The following NTHL1 variants were observed in gnomAD, a reference collection of about 807,000 sequenced individuals.
The protein encoded by NTHL1 is endonuclease III-like protein 1.
Under a neutral mutation model 32.3 loss-of-function variants are expected in NTHL1, and 32 were observed. The ratio of observed to expected loss-of-function variants is 0.99; its 90% confidence interval spans 0.75 to 1.33. The LOEUF (loss-of-function observed/expected upper bound fraction) is 1.33. Ranked by LOEUF, NTHL1 falls within the 40% of genes most tolerant of loss-of-function variation. NTHL1 has a pLI of 0.00. For synonymous variants in NTHL1, 188 were observed against 176.9 expected, an observed-to-expected ratio of 1.06 and a Z score of -0.50; for missense variants, 501 against 414.1, an observed-to-expected ratio of 1.21 and a Z score of -1.82.
intron 1 of NTHL1, among the ~76,000 whole-genome samples, chr16:2,046,774 C>A (rs954011026): frequency 6.6e-6 from 1 of 152,164 alleles, no homozygotes; most frequent in Non-Finnish European, 1.5e-5. Context: ...GAGTTCAAGA[C>A]CAGCCTGGCC....
At chr16:2,047,572 G>C (rs2084499841) in intron 1 of NTHL1, 137 bp downstream of exon 1, 1 of 1,348,616 alleles carries the variant, frequency 7.4e-7, no homozygotes, top group Middle Eastern at 2.7e-4. Flanking sequence ...ACGCAGGGCC[G>C]CACGTGGGAA....
intron 1 of NTHL1, 123 bp downstream of exon 1, chr16:2,047,586 T>C (rs989962175): frequency 1.5e-5 from 21 of 1,410,618 alleles, no homozygotes; most frequent in Admixed American, 7.8e-5. Flanking sequence ...GTGGGAACCG[T>C]TCGCGGCTGC....
rs1261566164 is a variant in NTHL1, at chr16:2,043,004, G to A, written c.685+563C>T. ...CTCCCTCCCCACCCCACCTGCTGAG[G>A]GGATACTCTTCCTCCTCCCTCCTCA... is the stretch of plus-strand genomic sequence containing the variant. On this transcript the variant is annotated intron_variant, in intron 4 of 5. Coordinates refer to ENST00000651570, the MANE Select transcript of NTHL1 (RefSeq NM_002528.7). This position sits in a 1 kb window ranked among gnomAD's most constrained non-coding sequence, Gnocchi z 4.4. 1.5e-5 allele frequency among the ~76,000 whole-genome samples: 2 copies of A among 129,216 alleles called. No individual in the cohort carries two copies. The highest frequency in any genetic ancestry group is 4.5e-4 in the East Asian group (2 of 4,462). The allele number at this position is 129,216 out of a possible 152,430, so 84.8% of individuals were successfully genotyped here. A position where few individuals can be genotyped will look rare whatever the true frequency, so the allele number is the denominator to read the frequency against.
In NTHL1 at chr16:2,040,058, G is replaced by T. The variant is rs1297891665; in HGVS notation, c.792-11C>A. On this transcript the variant is annotated splice_polypyrimidine_tract_variant and intron_variant, in intron 5 of 5. Transcript: ENST00000651570. ...TCGTGCCACAGCTCCCTGTGGGGGT[G>T]GGGGCTGGGTCAGTGCTGACAGAGG... is the stretch of plus-strand genomic sequence containing the variant. 1 of 1,612,492 alleles carries T rather than the reference G, an allele frequency of 6.2e-7. No individual in the cohort carries two copies. Among genetic ancestry groups the T allele is most frequent in the Non-Finnish European group, 8.5e-7 (1 of 1,180,002 alleles).
rs774089181 is a variant in NTHL1 at position 2,043,778 on chromosome 16, G to C, written c.526-52C>G. On this transcript the variant is annotated intron_variant, in intron 3 of 5. Transcript: ENST00000651570. This position sits in a 1 kb window ranked among gnomAD's most constrained non-coding sequence, Gnocchi z 4.4. ...TGGAGGCAAGGGCACAGCCCAACCT[G>C]GGAGGATGCAGCCCCCAGGAGACCC... 2 of 1,603,434 alleles carry C rather than the reference G, an allele frequency of 1.2e-6. No individual in the cohort carries two copies. The highest frequency in any genetic ancestry group is 2.2e-5 in the East Asian group (1 of 44,818).
At chr16:2,041,819 T>C (rs2084271765) in intron 4 of NTHL1, among the ~76,000 whole-genome samples, 1 of 152,090 alleles carries the variant, frequency 6.6e-6, no homozygotes, top group Non-Finnish European at 1.5e-5. Context: ...CATCTTAGCC[T>C]GGATGGTCTT....
Position 2,044,969 on chromosome 16 carries a change from C to T in NTHL1, c.355-169G>A. On this transcript the variant is annotated intron_variant, in intron 2 of 5. Transcript: ENST00000651570. The surrounding 1 kb of genome is among the most constrained non-coding windows in gnomAD (Gnocchi z 5.0). ...GTCTGGTTTGGGTATGTTTGGTCAT[C>T]TACAACACCAGGACAATAATAGTAC... 1 of 651,524 alleles carries T rather than the reference C, an allele frequency of 1.5e-6. No individual in the cohort carries two copies. The highest frequency in any genetic ancestry group is 2.6e-6 in the Non-Finnish European group (1 of 384,360). 40.4% of individuals were successfully genotyped at this position (651,524 alleles called of 1,614,324 possible).
chr16:2,045,283 G>A (rs2084329511), intron 2 of NTHL1, among the ~76,000 whole-genome samples: 1 of 151,934 alleles, frequency 6.6e-6, no homozygotes, highest in Non-Finnish European at 1.5e-5. Flanking sequence ...GTTGCAGTGA[G>A]CTAAGATTTC....
chr16:2,040,609 C>T (rs2084253660), intron 4 of NTHL1: 2 of 385,740 alleles, frequency 5.2e-6, no homozygotes, highest in Admixed American at 3.7e-5. Flanking sequence ...ACAATAACAG[C>T]GACAGCTCGC....
Position 2,047,789 on chromosome 16 carries a change from C to A in NTHL1, c.35G>T (p.Ser12Ile). The change falls in exon 1 of 6, where the codon AGC (serine) becomes ATC (isoleucine). Residue 12 changes from serine (S) to isoleucine (I), a missense_variant. Coordinates refer to ENST00000651570, the MANE Select transcript of NTHL1 (RefSeq NM_002528.7). ...CCCAGCCCCGGGTCCCAGGCTCCGG[C>A]TCCGGGTCAGCATCCTCGCGCTCAA... ...TALSARMLTR[S>I]RSLGPGAGPR... 1.9e-6 allele frequency: 3 copies of A among 1,590,576 alleles called. No homozygotes were observed. The highest frequency in any genetic ancestry group is 1.7e-6 in the Non-Finnish European group (2 of 1,173,646).
chr16:2,041,897 C>T, intron 4 of NTHL1: 1 of 377,608 alleles, frequency 2.6e-6, no homozygotes, highest in South Asian at 2.0e-5. Flanking sequence ...CGTGAGCCAC[C>T]ACGCCTGGCC....
At chr16:2,041,096 T>G (rs952786679) in intron 4 of NTHL1, among the ~76,000 whole-genome samples, 1 of 152,180 alleles carries the variant, frequency 6.6e-6, no homozygotes, top group African/African-American at 2.4e-5. Context: ...CAGCCCTGCC[T>G]CCTCCTCCCG....
intron 4 of NTHL1, chr16:2,042,040 C>T (rs1374488391): frequency 2.2e-6 from 1 of 455,908 alleles, no homozygotes; most frequent in Non-Finnish European, 4.4e-6. Context: ...GGCTTGAGCC[C>T]TTGTACCCAG....
In NTHL1 at chr16:2,047,766, C is replaced by G. The variant is rs529997128; in HGVS notation, c.58G>C (p.Gly20Arg). Residue 20 changes from glycine to arginine, a missense_variant, in exon 1 of 6, where the codon GGG becomes CGG. Gly to Arg is a moderately radical substitution (Grantham distance 125). Coordinates refer to ENST00000651570, the MANE Select transcript of NTHL1 (RefSeq NM_002528.7). ...TRSRSLGPGA[G>R]PRGCREEPGP... ...GGCTCCTCCCTACACCCCCGCGGCC[C>G]AGCCCCGGGTCCCAGGCTCCGGCTC... is the stretch of plus-strand genomic sequence containing the variant. 1.3e-6 allele frequency: 2 copies of G among 1,587,562 alleles called. No homozygotes were observed. Among genetic ancestry groups the G allele is most frequent in the South Asian group, 2.3e-5 (2 of 88,458 alleles).
Position 2,043,681 on chromosome 16 carries a change from G to T in NTHL1, c.571C>A (p.His191Asn). Reference protein sequence around the residue: ...IKQTSAILQQHYGGDIPASVA... With the variant: ...IKQTSAILQQNYGGDIPASVA... ...GAGGCTGGGATGTCCCCACCGTAGT[G>T]CTGCTGCAGGATGGCGCTGGTCTGC... Residue 191 changes from histidine (H) to asparagine (N), a missense_variant, in exon 4 of 6, where the codon CAC becomes AAC. His to Asn is a moderately conservative substitution (Grantham distance 68, BLOSUM62 1). Coordinates refer to ENST00000651570, the MANE Select transcript of NTHL1 (RefSeq NM_002528.7). The surrounding 1 kb of genome is among the most constrained non-coding windows in gnomAD (Gnocchi z 4.4). The T allele has an allele frequency of 6.2e-7, 1 of 1,612,166 alleles. No homozygotes were observed. Among genetic ancestry groups the T allele is most frequent in the East Asian group, 2.2e-5 (1 of 44,888 alleles).
In NTHL1 at chr16:2,043,437, G is replaced by A; in HGVS notation, c.685+130C>T. On this transcript the variant is annotated intron_variant, in intron 4 of 5. Coordinates refer to ENST00000651570, the MANE Select transcript of NTHL1 (RefSeq NM_002528.7). This position sits in a 1 kb window ranked among gnomAD's most constrained non-coding sequence, Gnocchi z 4.4. ...TGGGGCTGGCCTGGCTCCACCCTGGGAGCACCTTTCTGACTCTATGGGCTG... is the reference window on the plus strand; with the variant it reads ...TGGGGCTGGCCTGGCTCCACCCTGGAAGCACCTTTCTGACTCTATGGGCTG... The A allele has an allele frequency of 7.5e-7, 1 of 1,329,258 alleles. No homozygotes were observed. Among genetic ancestry groups the A allele is most frequent in the South Asian group, 1.3e-5 (1 of 75,274 alleles). The allele number at this position is 1,329,258 out of a possible 1,614,324, so 82.3% of individuals were successfully genotyped here. A position where few individuals can be genotyped will look rare whatever the true frequency, so the allele number is the denominator to read the frequency against.
chr16:2,041,008 C>T (rs3211987), intron 4 of NTHL1, among the ~76,000 whole-genome samples: 152 of 152,344 alleles, frequency 1.0e-3, no homozygotes, highest in Admixed American at 4.6e-3. Flanking sequence ...GGCTCCTGCT[C>T]CCCTCAGCTG....
intron 4 of NTHL1, among the ~76,000 whole-genome samples, chr16:2,040,702 G>C (rs898312934): frequency 1.3e-5 from 2 of 152,174 alleles, no homozygotes; most frequent in Non-Finnish European, 2.9e-5. Context: ...TACGGATGCT[G>C]AAACCGAGGC....
At position 2,044,658 on chromosome 16, in the gene NTHL1, T is replaced by G. The variant is rs773170479; in HGVS notation, c.497A>C (p.Lys166Thr). The change falls in exon 3 of 6, where the codon AAG becomes ACG. Residue 166 changes from lysine to threonine, a missense_variant. Coordinates refer to ENST00000651570, the MANE Select transcript of NTHL1 (RefSeq NM_002528.7). The surrounding 1 kb of genome is among the most constrained non-coding windows in gnomAD (Gnocchi z 5.0). ...ILQTDDATLG[K>T]LIYPVGFWRS... Reference sequence around the variant, plus strand: ...CCAGAAACCGACGGGGTAGATGAGCTTGCCCAGCGTGGCATCATCTGTCTG... The same window carrying G: ...CCAGAAACCGACGGGGTAGATGAGCGTGCCCAGCGTGGCATCATCTGTCTG... 6.2e-7 allele frequency: 1 copy of G among 1,608,840 alleles called. No homozygotes were observed. Among genetic ancestry groups the G allele is most frequent in the East Asian group, 2.2e-5 (1 of 44,884 alleles).
Sources: allele counts gnomAD v4.1 joint callset (sites outside exome capture counted in the v4.1 genomes callset), GRCh38; gene constraint gnomAD v4.1.1; non-coding constraint Gnocchi (gnomAD v3.1); transcripts MANE v1.5; gene names NCBI Gene and HGNC (gene_info 2026-07-23, HGNC 2026-07-21).